Variants in SGCZ observed in about 807,000 individuals in gnomAD.
SGCZ encodes zeta-sarcoglycan.
Under a neutral mutation model 41.3 loss-of-function variants are expected in SGCZ, and 40 were observed. That is an observed-to-expected ratio of 0.97 (90% CI 0.75 to 1.26). The LOEUF (loss-of-function observed/expected upper bound fraction) is 1.26, where lower values mean the gene tolerates loss of function less well. SGCZ is among the 50% of genes most tolerant of loss of function. The pLI, the probability that SGCZ is intolerant of heterozygous loss-of-function variation, is 0.00. For missense variants in SGCZ, 552 were observed against 369.8 expected, an observed-to-expected ratio of 1.49 and a Z score of -4.04; for synonymous variants, 206 against 137.5, an observed-to-expected ratio of 1.50 and a Z score of -3.49.
At chr8:14,814,487 G>T (rs975044597) in intron 1 of SGCZ, among the ~76,000 whole-genome samples, 20 of 152,194 alleles carry the variant, frequency 1.3e-4, no homozygotes, top group Non-Finnish European at 1.9e-4. Flanking sequence ...AGGCTCCTAA[G>T]AGGGCCCCCA....
In SGCZ at chr8:14,313,908, C is replaced by A. The variant is rs1481906448; in HGVS notation, c.336+10195G>T. Among the ~76,000 whole-genome samples the A allele has an allele frequency of 1.4e-3, 122 of 88,822 alleles. 2 individuals are homozygous for A. The highest frequency in any genetic ancestry group is 0.013 in the Admixed American group (119 of 8,904). The allele number at this position is 88,822 out of a possible 152,430, so 58.3% of individuals were successfully genotyped here. A position where few individuals can be genotyped will look rare whatever the true frequency, so the allele number is the denominator to read the frequency against. On this transcript the variant is annotated intron_variant, in intron 3 of 7. Transcript: ENST00000382080. ...ACAAAAGTATAGGGTTATATCATCT[C>A]TCTGTGTGTGTGTGTGTGTGTGTGT...
intron 2 of SGCZ, among the ~76,000 whole-genome samples, chr8:14,357,628 G>C (rs1345354525): frequency 6.6e-6 from 1 of 152,018 alleles, no homozygotes; most frequent in Admixed American, 6.6e-5. Flanking sequence ...ACTTTCCCTG[G>C]GAAGTATAAA....
chr8:14,607,427 T>C (rs1805787673), intron 1 of SGCZ, among the ~76,000 whole-genome samples: 1 of 152,214 alleles, frequency 6.6e-6, no homozygotes, highest in Admixed American at 6.5e-5. Context: ...ATTAATCCAA[T>C]TAATTAGGTA....
intron 1 of SGCZ, among the ~76,000 whole-genome samples, chr8:14,604,619 A>G (rs1805691683): frequency 6.6e-6 from 1 of 152,210 alleles, no homozygotes; most frequent in East Asian, 1.9e-4. Flanking sequence ...TTCCTCCAAG[A>G]TATGACTGTC....
intron 1 of SGCZ, among the ~76,000 whole-genome samples, chr8:14,983,174 CTTTTTTTTTTCTTTTTTCTTTTTT>C (rs1003252947): frequency 4.7e-5 from 6 of 127,394 alleles, no homozygotes; most frequent in African/African-American, 1.4e-4. Flanking sequence ...GCTGTCACTC[CTTTTTTTTTTCTTTTTTCTTTTTT>C]TTTTTGAGAC....
At chr8:14,731,386 G>C (rs945879563) in intron 1 of SGCZ, among the ~76,000 whole-genome samples, 3 of 151,900 alleles carry the variant, frequency 2.0e-5, no homozygotes, top group Admixed American at 2.0e-4. Flanking sequence ...GGTCTGTCAG[G>C]GGGTGGGGGG....
chr8:15,083,139 C>A (rs1273936978), intron 1 of SGCZ, among the ~76,000 whole-genome samples: 2 of 152,140 alleles, frequency 1.3e-5, no homozygotes, highest in African/African-American at 4.8e-5. Context: ...AATAGACTGA[C>A]AGATGCCCAA....
intron 1 of SGCZ, among the ~76,000 whole-genome samples, chr8:15,059,721 G>T (rs189030098): frequency 1.1e-4 from 16 of 152,316 alleles, no homozygotes; most frequent in African/African-American, 3.8e-4. Context: ...ATCATCAAAA[G>T]TATGGGATTA....
chr8:14,724,226 G>A (rs907329691), intron 1 of SGCZ, among the ~76,000 whole-genome samples: 1 of 151,644 alleles, frequency 6.6e-6, no homozygotes, highest in Non-Finnish European at 1.5e-5. Context: ...TAGAGGCAAG[G>A]GACTGGAAAC....
chr8:14,815,540 T>C (rs976743182), intron 1 of SGCZ, among the ~76,000 whole-genome samples: 3 of 152,180 alleles, frequency 2.0e-5, no homozygotes, highest in Non-Finnish European at 4.4e-5. Flanking sequence ...ATGAATTCTT[T>C]AGACATTGTC....
chr8:14,631,801 C>T (rs1039709760), intron 1 of SGCZ, among the ~76,000 whole-genome samples: 1 of 152,020 alleles, frequency 6.6e-6, no homozygotes. Flanking sequence ...CATGTCTCTA[C>T]CACCAAACAC....
intron 1 of SGCZ, among the ~76,000 whole-genome samples, chr8:15,079,660 T>G (rs1356786891): frequency 2.0e-5 from 3 of 152,220 alleles, no homozygotes; most frequent in Non-Finnish European, 4.4e-5. Context: ...TCAAATGTAT[T>G]GTTCAAAGGT....
At chr8:15,043,090 C>T (rs1804169147) in intron 1 of SGCZ, among the ~76,000 whole-genome samples, 1 of 152,192 alleles carries the variant, frequency 6.6e-6, no homozygotes, top group Admixed American at 6.5e-5. Context: ...AGCAAGGGCA[C>T]AAAATGGTTT....
Position 14,884,163 on chromosome 8 carries a change from C to G in SGCZ, c.40-329237G>C, listed in dbSNP as rs76661793. Among the ~76,000 whole-genome samples the G allele has an allele frequency of 1.3e-3, 192 of 152,156 alleles. 1 individual carries two copies. The highest frequency in any genetic ancestry group is 4.4e-3 in the African/African-American group (182 of 41,520). On this transcript the variant is annotated intron_variant, in intron 1 of 7. Coordinates refer to ENST00000382080, the MANE Select transcript of SGCZ (RefSeq NM_139167.4). Reference sequence around the variant, plus strand: ...CATCAGATTGAATAAACAATCACAACGTTTCTCTAAGACTCTGATTAATTC... The same window carrying G: ...CATCAGATTGAATAAACAATCACAAGGTTTCTCTAAGACTCTGATTAATTC...
chr8:14,451,130 G>A (rs1218474442), intron 2 of SGCZ, among the ~76,000 whole-genome samples: 1 of 152,082 alleles, frequency 6.6e-6, no homozygotes, highest in Non-Finnish European at 1.5e-5. Context: ...TAAAAGCAGG[G>A]TTTCCTTTAA....
chr8:14,173,035 G>A (rs185491827), intron 4 of SGCZ, among the ~76,000 whole-genome samples: 1 of 152,242 alleles, frequency 6.6e-6, no homozygotes, highest in African/African-American at 2.4e-5. Context: ...TGAGGCCCCT[G>A]AGTGCCACAG....
In SGCZ at chr8:14,393,558, G is replaced by A. The variant is rs1585445421; in HGVS notation, c.235-69354C>T. 2.0e-5 allele frequency among the ~76,000 whole-genome samples: 3 copies of A among 152,218 alleles called. No homozygotes were observed. In the South Asian group the frequency reaches 6.2e-4, roughly 32 times the overall value. ...GTGAGCCCTATGTAAATCAGACACTGCCTCCTCAAACTAGCATAGAAATTT... is the reference window on the plus strand; with the variant it reads ...GTGAGCCCTATGTAAATCAGACACTACCTCCTCAAACTAGCATAGAAATTT... On this transcript the variant is annotated intron_variant, in intron 2 of 7. Transcript: ENST00000382080.
chr8:14,308,360 TA>T (rs966655382), intron 3 of SGCZ, among the ~76,000 whole-genome samples: 92 of 152,172 alleles, frequency 6.0e-4, no homozygotes, highest in African/African-American at 2.1e-3. Flanking sequence ...AAATGTGCTG[TA>T]AAAAAATTTG....
chr8:15,062,279 C>A (rs1804966204), intron 1 of SGCZ, among the ~76,000 whole-genome samples: 1 of 152,038 alleles, frequency 6.6e-6, no homozygotes, highest in Non-Finnish European at 1.5e-5. Flanking sequence ...AATGACACAA[C>A]CATTATGCAA....
Sources: allele counts gnomAD v4.1 joint callset (sites outside exome capture counted in the v4.1 genomes callset), GRCh38; gene constraint gnomAD v4.1.1; transcripts MANE v1.5; gene names NCBI Gene and HGNC (gene_info 2026-07-23, HGNC 2026-07-21).